Variants in PTPRD observed in about 807,000 individuals in gnomAD.
PTPRD encodes receptor-type tyrosine-protein phosphatase delta.
Under a neutral mutation model 214.5 loss-of-function variants are expected in PTPRD, and 34 were observed. The ratio of observed to expected loss-of-function variants is 0.16; its 90% confidence interval spans 0.12 to 0.21. PTPRD has a LOEUF of 0.21. PTPRD is among the 10% of genes least tolerant of loss of function. PTPRD has a pLI of 1.00. For missense variants in PTPRD, 2,545 were observed against 2,398.7 expected, an observed-to-expected ratio of 1.06 and a Z score of -1.27; for synonymous variants, 1,128 against 845.7, an observed-to-expected ratio of 1.33 and a Z score of -5.79.
At chr9:9,551,760 C>T (rs1009539146) in intron 8 of PTPRD, among the ~76,000 whole-genome samples, 1 of 151,954 alleles carries the variant, frequency 6.6e-6, no homozygotes, top group African/African-American at 2.4e-5. Flanking sequence ...ACAAACTAAG[C>T]CCCACCAGAT....
At chr9:9,539,041 A>T (rs180767520) in intron 8 of PTPRD, among the ~76,000 whole-genome samples, 38 of 152,010 alleles carry the variant, frequency 2.5e-4, no homozygotes, top group Admixed American at 2.0e-3. Flanking sequence ...GCCAGACAAA[A>T]ATTAAAAAAG....
At chr9:9,565,694 A>T (rs1418682476) in intron 8 of PTPRD, among the ~76,000 whole-genome samples, 4 of 151,944 alleles carry the variant, frequency 2.6e-5, no homozygotes, top group African/African-American at 9.7e-5. Context: ...TTGTACCTTA[A>T]CATATTCCCA....
chr9:9,571,429 T>C (rs983150713), intron 8 of PTPRD, among the ~76,000 whole-genome samples: 8 of 151,396 alleles, frequency 5.3e-5, no homozygotes, highest in Non-Finnish European at 1.2e-4. Flanking sequence ...ATGGCTGTTA[T>C]ATGCTTATAT....
At position 8,492,987 on chromosome 9, in the gene PTPRD, G is replaced by C. The variant is rs2136313272; in HGVS notation, c.2350-8C>G. On this transcript the variant is annotated splice_polypyrimidine_tract_variant and splice_region_variant and intron_variant, in intron 26 of 45. Transcript: ENST00000381196. ...CCCAGAAATGATCATGTCCTGAAAT[G>C]ACAAAATAGAATGTCACTGATTCAA... 6.3e-7 allele frequency: 1 copy of C among 1,599,754 alleles called. No homozygotes were observed.
At chr9:9,959,327 A>G (rs1281812988) in intron 4 of PTPRD, among the ~76,000 whole-genome samples, 1 of 152,174 alleles carries the variant, frequency 6.6e-6, no homozygotes, top group Non-Finnish European at 1.5e-5. Flanking sequence ...AGTTGTTTCC[A>G]GAGCCTCGAG....
intron 2 of PTPRD, among the ~76,000 whole-genome samples, chr9:10,603,857 ACTTCT>A (rs1448434900): frequency 2.0e-5 from 3 of 151,924 alleles, no homozygotes; most frequent in African/African-American, 7.2e-5. Context: ...GTAATTACAT[ACTTCT>A]TTTAATCCCA....
At chr9:8,338,402 C>T (rs1412031966) in intron 43 of PTPRD, among the ~76,000 whole-genome samples, 1 of 152,048 alleles carries the variant, frequency 6.6e-6, no homozygotes, top group Non-Finnish European at 1.5e-5. Context: ...CATTAGCACA[C>T]TGAGGAATAA....
intron 44 of PTPRD, among the ~76,000 whole-genome samples, chr9:8,327,318 C>T (rs201503751): frequency 6.7e-6 from 1 of 149,026 alleles, no homozygotes; most frequent in Non-Finnish European, 1.5e-5. Context: ...GGTTGTTCAG[C>T]TTCCATGTAG....
intron 11 of PTPRD, among the ~76,000 whole-genome samples, chr9:8,742,914 G>C (rs1434270): frequency 0.62 from 94,137 of 151,810 alleles, 29,780 homozygotes; most frequent in Middle Eastern, 0.72. Flanking sequence ...AATTTTTGTT[G>C]TCACAGCGCA....
intron 7 of PTPRD, among the ~76,000 whole-genome samples, chr9:9,605,904 C>T (rs2094122654): frequency 6.6e-6 from 1 of 151,934 alleles, no homozygotes; most frequent in South Asian, 2.1e-4. Context: ...AAGTAAAGGC[C>T]AAAGTGCAAA....
chr9:9,003,942 T>C (rs979078000), intron 11 of PTPRD, among the ~76,000 whole-genome samples: 2 of 152,120 alleles, frequency 1.3e-5, no homozygotes, highest in South Asian at 2.1e-4. Flanking sequence ...CTTAGTCTTA[T>C]GGCCATTGCA....
Position 10,509,505 on chromosome 9 carries a change from T to TCTATC in PTPRD, c.-600+102892_-600+102893insGATAG, listed in dbSNP as rs1351429042. On this transcript the variant is annotated intron_variant, in intron 2 of 45. Transcript: ENST00000381196. ...TCTATCTATCTATCTATCTATCTAATGATCATTATAGCTGACTTACCTATA... is the reference window on the plus strand; with the variant it reads ...TCTATCTATCTATCTATCTATCTAATCTATCGATCATTATAGCTGACTTACCTATA... Among the ~76,000 whole-genome samples the TCTATC allele has an allele frequency of 2.6e-4, 16 of 62,406 alleles. No homozygotes were observed. In the East Asian group the frequency reaches 6.9e-3, roughly 27 times the overall value. 40.9% of individuals were successfully genotyped at this position (62,406 alleles called of 152,430 possible).
At chr9:9,261,114 C>CTGTTAATGAT (rs1243476345) in intron 9 of PTPRD, among the ~76,000 whole-genome samples, 1 of 151,620 alleles carries the variant, frequency 6.6e-6, no homozygotes, top group African/African-American at 2.4e-5. Context: ...ATTATCATAC[C>CTGTTAATGAT]ACCAACAAGG....
intron 10 of PTPRD, among the ~76,000 whole-genome samples, chr9:9,024,851 G>C (rs77448859): frequency 0.039 from 5,961 of 151,826 alleles, 122 homozygotes; most frequent in East Asian, 0.069. Context: ...CCAATAATGA[G>C]TTTAACATTT....
At chr9:10,570,496 A>G (rs2067085157) in intron 2 of PTPRD, among the ~76,000 whole-genome samples, 1 of 152,156 alleles carries the variant, frequency 6.6e-6, no homozygotes. Flanking sequence ...GTATGAGCGG[A>G]AGAATAGAAC....
At chr9:8,583,100 G>A (rs1208068108) in intron 14 of PTPRD, among the ~76,000 whole-genome samples, 2 of 152,126 alleles carry the variant, frequency 1.3e-5, no homozygotes, top group African/African-American at 2.4e-5. Context: ...CAGATCATAA[G>A]GCATTAGATT....
intron 3 of PTPRD, among the ~76,000 whole-genome samples, chr9:10,180,508 G>C (rs763441333): frequency 5.4e-5 from 8 of 149,434 alleles, no homozygotes; most frequent in Non-Finnish European, 8.9e-5. Flanking sequence ...CTTCTCAAGA[G>C]AGTCCATCTA....
intron 5 of PTPRD, among the ~76,000 whole-genome samples, chr9:9,901,169 A>G (rs960983465): frequency 6.6e-6 from 1 of 152,172 alleles, no homozygotes; most frequent in Admixed American, 6.6e-5. Flanking sequence ...ATTTTCTGAT[A>G]TAACCATCCC....
At chr9:8,772,751 T>C (rs924848406) in intron 11 of PTPRD, among the ~76,000 whole-genome samples, 3 of 151,678 alleles carry the variant, frequency 2.0e-5, no homozygotes, top group African/African-American at 7.3e-5. Context: ...GATTTTTTTT[T>C]CTCATGAGTA....
Sources: allele counts gnomAD v4.1 joint callset (sites outside exome capture counted in the v4.1 genomes callset), GRCh38; gene constraint gnomAD v4.1.1; transcripts MANE v1.5; gene names NCBI Gene and HGNC (gene_info 2026-07-23, HGNC 2026-07-21).